Variants in KLHL29 observed in about 807,000 individuals in gnomAD.
KLHL29 encodes kelch-like protein 29.
In KLHL29, 21 loss-of-function variants were observed where a neutral mutation model predicts 80.4. That is an observed-to-expected ratio of 0.26 (90% CI 0.19 to 0.38). The LOEUF is 0.38. Ranked by LOEUF, KLHL29 falls within the 10% of genes least tolerant of loss-of-function variation. KLHL29 has a pLI of 1.00. For missense variants in KLHL29, 867 were observed against 1,223.9 expected, an observed-to-expected ratio of 0.71 and a Z score of 4.35; for synonymous variants, 511 against 526.8, an observed-to-expected ratio of 0.97 and a Z score of 0.41.
intron 1 of KLHL29, among the ~76,000 whole-genome samples, chr2:23,431,286 C>T (rs1383382615): frequency 6.6e-6 from 1 of 152,226 alleles, no homozygotes; most frequent in Non-Finnish European, 1.5e-5. Context: ...ACCCTGTGTT[C>T]AGAGCTCAAG....
chr2:23,524,513 G>C (rs1666232653), intron 2 of KLHL29, among the ~76,000 whole-genome samples: 1 of 152,248 alleles, frequency 6.6e-6, no homozygotes, highest in Non-Finnish European at 1.5e-5. Flanking sequence ...ACGGCTGGCA[G>C]GCCAGTGGGC....
At chr2:23,461,335 T>C (rs1021928144) in intron 1 of KLHL29, among the ~76,000 whole-genome samples, 8 of 152,182 alleles carry the variant, frequency 5.3e-5, no homozygotes, top group African/African-American at 1.9e-4. Flanking sequence ...TCTTTCTGTC[T>C]CCTACTTTGG....
intron 2 of KLHL29, among the ~76,000 whole-genome samples, chr2:23,491,707 C>T (rs1277703462): frequency 2.0e-5 from 3 of 152,108 alleles, no homozygotes; most frequent in African/African-American, 7.2e-5. Context: ...CTCCCAGATC[C>T]ATCCCTAGGG....
chr2:23,701,887 G>A (rs549808127), intron 11 of KLHL29, among the ~76,000 whole-genome samples: 1 of 136,656 alleles, frequency 7.3e-6, no homozygotes, highest in South Asian at 2.3e-4. Context: ...CGCAGCCTCT[G>A]CCTCCCAGGT....
chr2:23,582,234 T>C (rs1381323023), intron 3 of KLHL29, among the ~76,000 whole-genome samples: 2 of 152,240 alleles, frequency 1.3e-5, no homozygotes, highest in African/African-American at 2.4e-5. Flanking sequence ...CTTTATGGTT[T>C]TCAAACATTT....
At chr2:23,495,123 A>G (rs758804197) in intron 2 of KLHL29, among the ~76,000 whole-genome samples, 2 of 152,218 alleles carry the variant, frequency 1.3e-5, no homozygotes, top group Non-Finnish European at 2.9e-5. Flanking sequence ...CCTGGCCTCA[A>G]GCAATTTTCA....
chr2:23,611,052 G>A (rs1436108832), intron 3 of KLHL29, among the ~76,000 whole-genome samples: 6 of 152,042 alleles, frequency 3.9e-5, no homozygotes, highest in South Asian at 2.1e-4. Context: ...AAGTGCTGGC[G>A]AGTTCCATGT....
chr2:23,626,670 G>C (rs778068568), intron 3 of KLHL29, among the ~76,000 whole-genome samples: 1 of 152,204 alleles, frequency 6.6e-6, no homozygotes, highest in Non-Finnish European at 1.5e-5. Flanking sequence ...GGGGTGGGAG[G>C]GGGGCCGCGT....
At chr2:23,633,793 T>G (rs1420571210) in intron 3 of KLHL29, among the ~76,000 whole-genome samples, 4 of 109,848 alleles carry the variant, frequency 3.6e-5, no homozygotes, top group East Asian at 2.3e-4. Context: ...GTGTGTGTGT[T>G]TAATTTGACT....
At chr2:23,671,726 G>A (rs1248353041) in intron 5 of KLHL29, among the ~76,000 whole-genome samples, 1 of 152,182 alleles carries the variant, frequency 6.6e-6, no homozygotes, top group African/African-American at 2.4e-5. Flanking sequence ...GCCAGCCGGG[G>A]CCTCCGAATG....
chr2:23,594,717 ACT>A lies in KLHL29; in HGVS notation c.285+32239_285+32240del, dbSNP rs374080228. Among the ~76,000 whole-genome samples the A allele has an allele frequency of 1.6e-3, 247 of 151,908 alleles. 8 individuals carry two copies. The South Asian group carries it at 0.048, about 29-fold the overall frequency. ...AGAATAATGAGTCAATGCACACACA[ACT>A]CTGTTGTTCTTTGACTTTTCCTTTC... On this transcript the variant is annotated intron_variant, in intron 3 of 13. Coordinates refer to ENST00000486442, the MANE Select transcript of KLHL29 (RefSeq NM_052920.2).
intron 2 of KLHL29, among the ~76,000 whole-genome samples, chr2:23,511,926 C>A (rs1299963687): frequency 1.3e-5 from 2 of 152,156 alleles, no homozygotes; most frequent in Non-Finnish European, 2.9e-5. Context: ...AAACAGTATT[C>A]ACCCCACCTG....
chr2:23,460,953 C>T (rs1363370334), intron 1 of KLHL29, among the ~76,000 whole-genome samples: 5 of 152,154 alleles, frequency 3.3e-5, no homozygotes, highest in Non-Finnish European at 7.3e-5. Context: ...TAGCTGTGGC[C>T]ATAGATATCA....
In KLHL29 at chr2:23,517,283, G is replaced by A. The variant is rs184384320; in HGVS notation, c.-46+41616G>A. The stretch of plus-strand genomic sequence containing the variant: ...AACTAGGCTGGGCGCGGTGGCTCAC[G>A]CCTGTAATCCCAGCACTTTGGGAGG... On this transcript the variant is annotated intron_variant, in intron 2 of 13. Coordinates refer to ENST00000486442, the MANE Select transcript of KLHL29 (RefSeq NM_052920.2). Among the ~76,000 whole-genome samples, 928 of 152,330 alleles carry A rather than the reference G, an allele frequency of 6.1e-3. 13 individuals carry two copies. The highest frequency in any genetic ancestry group is 0.022 in the African/African-American group (899 of 41,580).
chr2:23,609,731 A>T (rs1323920043), intron 3 of KLHL29, among the ~76,000 whole-genome samples: 1 of 152,176 alleles, frequency 6.6e-6, no homozygotes, highest in Non-Finnish European at 1.5e-5. Flanking sequence ...GCCTACTACA[A>T]GCACTTTGCG....
intron 1 of KLHL29, among the ~76,000 whole-genome samples, chr2:23,398,287 G>T (rs1407346728): frequency 2.0e-5 from 3 of 152,234 alleles, no homozygotes; most frequent in Non-Finnish European, 4.4e-5. Context: ...CCTTAAAAAG[G>T]AAGGAACTTT....
intron 3 of KLHL29, among the ~76,000 whole-genome samples, chr2:23,585,055 G>A (rs949417791): frequency 6.6e-6 from 1 of 152,198 alleles, no homozygotes; most frequent in Non-Finnish European, 1.5e-5. Context: ...TTTAAAATAA[G>A]GAGATTATGC....
In KLHL29 at chr2:23,696,687, G is replaced by A. The variant is rs114781169; in HGVS notation, c.2105+174G>A. On this transcript the variant is annotated intron_variant, in intron 11 of 13. Transcript: ENST00000486442. This position sits in a 1 kb window ranked among gnomAD's most constrained non-coding sequence, Gnocchi z 5.5. The stretch of plus-strand genomic sequence containing the variant: ...CACAGCACCGGGGGCAGCAGGGTGT[G>A]GGATACAAGCAGATGGGATGACATC... 21,381 of 574,390 alleles carry A rather than the reference G, an allele frequency of 0.037. 513 individuals are homozygous for A. The highest frequency in any genetic ancestry group is 0.08 in the South Asian group (3,674 of 45,746). The allele number at this position is 574,390 out of a possible 1,614,324, so 35.6% of individuals were successfully genotyped here. A position where few individuals can be genotyped will look rare whatever the true frequency, so the allele number is the denominator to read the frequency against.
At chr2:23,537,683 G>A (rs533770033) in intron 2 of KLHL29, among the ~76,000 whole-genome samples, 62 of 152,296 alleles carry the variant, frequency 4.1e-4, no homozygotes, top group African/African-American at 1.4e-3. Context: ...ATGGTTCATC[G>A]CTCTTTGCTG....
Sources: allele counts gnomAD v4.1 joint callset (sites outside exome capture counted in the v4.1 genomes callset), GRCh38; gene constraint gnomAD v4.1.1; non-coding constraint Gnocchi (gnomAD v3.1); transcripts MANE v1.5; gene names NCBI Gene and HGNC (gene_info 2026-07-23, HGNC 2026-07-21).